Variants in FGF14 observed in about 807,000 individuals in gnomAD.
The protein encoded by FGF14 is fibroblast growth factor 14, also known as fibroblast growth factor homologous factor 4.
In FGF14, 5 loss-of-function variants were observed where a neutral mutation model predicts 25.5. That is an observed-to-expected ratio of 0.20 (90% CI 0.10 to 0.41). The LOEUF (loss-of-function observed/expected upper bound fraction) is 0.41, where lower values mean the gene tolerates loss of function less well. Among genes scored for constraint, FGF14 ranks in the 10% least tolerant of loss-of-function variants. FGF14 has a pLI of 1.00. For synonymous variants in FGF14, 138 were observed against 118.3 expected (o/e 1.17, Z -1.08); for missense variants, 222 against 320.1 (o/e 0.69, Z 2.34).
At chr13:102,090,958 C>T (rs1176292643) in intron 1 of FGF14, among the ~76,000 whole-genome samples, 3 of 152,258 alleles carry the variant, frequency 2.0e-5, no homozygotes, top group South Asian at 2.1e-4. Context: ...ATATTTGAAA[C>T]TCATTTTTAT....
chr13:102,068,634 G>A (rs984637713), intron 1 of FGF14, among the ~76,000 whole-genome samples: 15 of 152,236 alleles, frequency 9.9e-5, no homozygotes, highest in Non-Finnish European at 1.8e-4. Context: ...GCTGCAGAGG[G>A]TGTACTGGGT....
intron 1 of FGF14, among the ~76,000 whole-genome samples, chr13:102,024,203 T>C (rs935093596): frequency 1.3e-5 from 2 of 152,108 alleles, no homozygotes; most frequent in African/African-American, 4.8e-5. Flanking sequence ...GAACTGTATG[T>C]GTTTTCCAAA....
chr13:101,977,551 C>T (rs2038001563), intron 1 of FGF14, among the ~76,000 whole-genome samples: 1 of 152,104 alleles, frequency 6.6e-6, no homozygotes, highest in African/African-American at 2.4e-5. Context: ...TTCCTCCCTA[C>T]TCCTCCTTCT....
chr13:101,790,687 A>G (rs929097887), intron 3 of FGF14, among the ~76,000 whole-genome samples: 1 of 152,078 alleles, frequency 6.6e-6, no homozygotes, highest in Non-Finnish European at 1.5e-5. Flanking sequence ...GAAAATTTTT[A>G]ATGCCTTATA....
intron 1 of FGF14, among the ~76,000 whole-genome samples, chr13:102,178,930 T>C (rs2048557661): frequency 6.6e-6 from 1 of 152,052 alleles, no homozygotes; most frequent in Non-Finnish European, 1.5e-5. Context: ...TATACATCCA[T>C]TGGGGAACCT....
At chr13:102,381,933 T>C (rs920327304) in intron 1 of FGF14, among the ~76,000 whole-genome samples, 1 of 152,150 alleles carries the variant, frequency 6.6e-6, no homozygotes, top group South Asian at 2.1e-4. Context: ...CTTGAAAAAT[T>C]AGATGTCTAC....
chr13:101,922,086 G>A (rs1430387890), intron 1 of FGF14, among the ~76,000 whole-genome samples: 1 of 152,158 alleles, frequency 6.6e-6, no homozygotes, highest in Non-Finnish European at 1.5e-5. Flanking sequence ...AGGCAAGTAG[G>A]TGCTCAATAA....
At chr13:102,103,313 A>G (rs1374115309) in intron 1 of FGF14, among the ~76,000 whole-genome samples, 2 of 146,780 alleles carry the variant, frequency 1.4e-5, no homozygotes, top group Non-Finnish European at 3.0e-5. Context: ...TAACTGTGTC[A>G]TTTTAGATCA....
intron 1 of FGF14, among the ~76,000 whole-genome samples, chr13:102,260,401 A>C (rs1222761054): frequency 6.6e-6 from 1 of 152,254 alleles, no homozygotes; most frequent in African/African-American, 2.4e-5. Context: ...TGGAGAGCAA[A>C]GTAATGCCCT....
chr13:101,981,587 T>C (rs574935592), intron 1 of FGF14, among the ~76,000 whole-genome samples: 25 of 152,238 alleles, frequency 1.6e-4, no homozygotes, highest in African/African-American at 5.8e-4. Context: ...CTGTAAGGGC[T>C]ATAGGTTTGA....
At chr13:101,930,128 C>T (rs1315310183) in intron 1 of FGF14, among the ~76,000 whole-genome samples, 1 of 152,074 alleles carries the variant, frequency 6.6e-6, no homozygotes, top group South Asian at 2.1e-4. Flanking sequence ...CAAATTTTTT[C>T]CCTTCCCTTC....
At chr13:101,772,832 A>C (rs2038863675) in intron 3 of FGF14, among the ~76,000 whole-genome samples, 2 of 152,168 alleles carry the variant, frequency 1.3e-5, no homozygotes, top group Admixed American at 1.3e-4. Flanking sequence ...TATAGAATCA[A>C]AGATAATTTT....
intron 1 of FGF14, among the ~76,000 whole-genome samples, chr13:101,899,741 T>C (rs1485763059): frequency 6.6e-6 from 1 of 152,056 alleles, no homozygotes; most frequent in African/African-American, 2.4e-5. Context: ...AATGTTATAT[T>C]AGCCTATAAA....
At chr13:101,787,778 G>T (rs1276270209) in intron 3 of FGF14, among the ~76,000 whole-genome samples, 4 of 152,168 alleles carry the variant, frequency 2.6e-5, no homozygotes, top group Non-Finnish European at 5.9e-5. Flanking sequence ...GACTGTGCTT[G>T]GGTTTGGTGT....
rs74327667 is a variant in FGF14, at chr13:102,105,084, C to T, written c.209-229788G>A. Reference sequence around the variant, plus strand: ...GTAAGGAGGTTCTGCTCCAACCAAACACTTGCCCCACTATTGTGATGGAGA... The same window carrying T: ...GTAAGGAGGTTCTGCTCCAACCAAATACTTGCCCCACTATTGTGATGGAGA... On this transcript the variant is annotated intron_variant, in intron 1 of 4. Coordinates refer to the FGF14 transcript ENST00000376131. Among the ~76,000 whole-genome samples the T allele has an allele frequency of 2.7e-4, 41 of 152,308 alleles. 1 individual carries two copies. The East Asian group carries it at 7.9e-3, about 29-fold the overall frequency.
chr13:101,797,201 A>G (rs1477221468), intron 3 of FGF14, among the ~76,000 whole-genome samples: 3 of 152,142 alleles, frequency 2.0e-5, no homozygotes, highest in Non-Finnish European at 4.4e-5. Flanking sequence ...AACATATTCT[A>G]TGCTACATCA....
At chr13:101,910,085 G>T (rs1053882758) in intron 1 of FGF14, among the ~76,000 whole-genome samples, 2 of 151,396 alleles carry the variant, frequency 1.3e-5, no homozygotes, top group Non-Finnish European at 2.9e-5. Flanking sequence ...ACACACGAGG[G>T]CCTGTTGTGG....
chr13:101,798,737 A>G (rs1186070723), intron 3 of FGF14, among the ~76,000 whole-genome samples: 1 of 152,068 alleles, frequency 6.6e-6, no homozygotes, highest in African/African-American at 2.4e-5. Context: ...TGTCTAAGGG[A>G]AGGCTGTTTA....
At chr13:101,736,635 C>T (rs1445590938) in intron 3 of FGF14, among the ~76,000 whole-genome samples, 4 of 152,254 alleles carry the variant, frequency 2.6e-5, no homozygotes, top group South Asian at 2.1e-4. Context: ...TATGAATGTA[C>T]ATCCAATTAA....
Sources: gnomAD v4.1 joint callset for allele counts (sites outside exome capture counted in the v4.1 genomes callset) on GRCh38, gnomAD v4.1.1 for gene constraint, MANE v1.5 for transcripts, NCBI Gene and HGNC (gene_info 2026-07-23, HGNC 2026-07-21) for gene names.